Variants in FRMD3 observed in about 807,000 individuals in gnomAD.
FRMD3 encodes the protein FERM domain-containing protein 3.
Under a neutral mutation model 70.2 loss-of-function variants are expected in FRMD3, and 33 were observed. That is an observed-to-expected ratio of 0.47 (90% CI 0.36 to 0.63). The LOEUF is 0.63. FRMD3 is among the 20% of genes least tolerant of loss of function. The pLI is 0.00. For synonymous variants in FRMD3, 279 were observed against 255.9 expected (o/e 1.09, Z -0.86); for missense variants, 632 against 711.4 (o/e 0.89, Z 1.27).
At chr9:83,562,984 A>G in the FRMD3 span, among the ~76,000 whole-genome samples, 1 of 140,452 alleles carries the variant, frequency 7.1e-6, no homozygotes, top group Non-Finnish European at 1.5e-5. Context: ...TAGTGATTAA[A>G]TGAAAAAAAA....
intron 13 of FRMD3, among the ~76,000 whole-genome samples, chr9:83,273,697 A>C (rs182643012): frequency 1.3e-3 from 201 of 152,148 alleles, no homozygotes; most frequent in African/African-American, 4.6e-3. Context: ...CCCCTCCAAG[A>C]AATTGACTAA....
At chr9:83,399,784 C>T (rs1028687155) in intron 1 of FRMD3, among the ~76,000 whole-genome samples, 4 of 151,986 alleles carry the variant, frequency 2.6e-5, no homozygotes, top group African/African-American at 9.7e-5. Flanking sequence ...TGATAAAGAA[C>T]GTCTACCACA....
At chr9:83,568,949 T>C in the FRMD3 span, among the ~76,000 whole-genome samples, 433 of 128,374 alleles carry the variant, frequency 3.4e-3, no homozygotes, top group African/African-American at 0.011. Flanking sequence ...GATAGATAGA[T>C]AGATAGATAC....
At chr9:83,455,444 G>A (rs78927555) in intron 1 of FRMD3, among the ~76,000 whole-genome samples, 17,453 of 152,060 alleles carry the variant, frequency 0.11, 1,162 homozygotes, top group East Asian at 0.32. Flanking sequence ...TAAGTCTCAC[G>A]TGCTCTGATG....
chr9:83,252,679 C>T (rs974138773), intron 13 of FRMD3, among the ~76,000 whole-genome samples: 1 of 151,992 alleles, frequency 6.6e-6, no homozygotes, highest in African/African-American at 2.4e-5. Context: ...GGAAAATGTA[C>T]CAAGCAAATG....
Position 83,339,731 on chromosome 9 carries a change from A to G in FRMD3, c.472+3459T>C, listed in dbSNP as rs77580049. Among the ~76,000 whole-genome samples, 352 of 152,224 alleles carry G rather than the reference A, an allele frequency of 2.3e-3. 1 individual carries two copies. Among genetic ancestry groups the G allele is most frequent in the African/African-American group, 8.2e-3 (341 of 41,534 alleles). On this transcript the variant is annotated intron_variant, in intron 5 of 13. Coordinates refer to ENST00000304195, the MANE Select transcript of FRMD3 (RefSeq NM_174938.6). ...ATCTAACCAACAACGCAGGGTCACA[A>G]TGGCCTGTTTCCTTATCCATCTTCC...
chr9:83,535,828 T>C (rs949776970), intron 1 of FRMD3, among the ~76,000 whole-genome samples: 4 of 152,306 alleles, frequency 2.6e-5, no homozygotes, highest in Admixed American at 2.0e-4. Context: ...TGACAATATA[T>C]ACAATCCTTT....
chr9:83,502,870 G>A (rs1829101217), intron 1 of FRMD3, among the ~76,000 whole-genome samples: 1 of 152,132 alleles, frequency 6.6e-6, no homozygotes, highest in Admixed American at 6.5e-5. Flanking sequence ...GTTATGCTGG[G>A]TTCCAGTGCA....
At chr9:83,317,770 C>T (rs977007585) in intron 6 of FRMD3, among the ~76,000 whole-genome samples, 2 of 152,106 alleles carry the variant, frequency 1.3e-5, no homozygotes, top group Non-Finnish European at 2.9e-5. Context: ...AGCAGGGTAC[C>T]AGTGCTACAC....
At chr9:83,567,005 C>T in the FRMD3 span, among the ~76,000 whole-genome samples, 14 of 152,344 alleles carry the variant, frequency 9.2e-5, no homozygotes, top group African/African-American at 2.9e-4. Context: ...GGCTCCAACC[C>T]CACATTCCCC....
chr9:83,565,951 T>C, the FRMD3 span, among the ~76,000 whole-genome samples: 1 of 152,168 alleles, frequency 6.6e-6, no homozygotes, highest in Non-Finnish European at 1.5e-5. Flanking sequence ...GTCTATTAAG[T>C]TGGGTGCTAA....
intron 4 of FRMD3, among the ~76,000 whole-genome samples, chr9:83,344,897 T>C (rs1365810881): frequency 6.6e-6 from 1 of 150,902 alleles, no homozygotes; most frequent in Non-Finnish European, 1.5e-5. Context: ...CCTCAACTAA[T>C]AAACGTCTCT....
intron 1 of FRMD3, among the ~76,000 whole-genome samples, chr9:83,391,726 A>G (rs141909651): frequency 6.6e-6 from 1 of 152,326 alleles, no homozygotes; most frequent in Non-Finnish European, 1.5e-5. Flanking sequence ...CAGACAACGC[A>G]GTGATTAGAG....
At chr9:83,412,369 A>G (rs1826303666) in intron 1 of FRMD3, among the ~76,000 whole-genome samples, 1 of 151,642 alleles carries the variant, frequency 6.6e-6, no homozygotes, top group Non-Finnish European at 1.5e-5. Context: ...TGGTGAACAT[A>G]TATAAGTATT....
At chr9:83,562,869 C>T in the FRMD3 span, among the ~76,000 whole-genome samples, 1 of 151,662 alleles carries the variant, frequency 6.6e-6, no homozygotes, top group South Asian at 2.1e-4. Context: ...GGACAGAAAC[C>T]ATGTCTGGTT....
intron 13 of FRMD3, among the ~76,000 whole-genome samples, chr9:83,258,022 A>G (rs1832798982): frequency 6.6e-6 from 1 of 152,226 alleles, no homozygotes; most frequent in South Asian, 2.1e-4. Flanking sequence ...GTATAAAATG[A>G]AACTGCAATA....
intron 3 of FRMD3, among the ~76,000 whole-genome samples, chr9:83,358,149 T>C (rs939865536): frequency 6.6e-6 from 1 of 152,240 alleles, no homozygotes; most frequent in Non-Finnish European, 1.5e-5. Flanking sequence ...TTCTTCTATA[T>C]GTGGCTTGCC....
chr9:83,263,418 T>A (rs901525339), intron 13 of FRMD3, among the ~76,000 whole-genome samples: 3 of 144,308 alleles, frequency 2.1e-5, no homozygotes, highest in Non-Finnish European at 3.1e-5. Flanking sequence ...TAAAATTTTA[T>A]CTCCTGAAAG....
At chr9:83,326,748 T>A (rs1836034823) in intron 6 of FRMD3, among the ~76,000 whole-genome samples, 1 of 152,252 alleles carries the variant, frequency 6.6e-6, no homozygotes, top group African/African-American at 2.4e-5. Flanking sequence ...TCAGGAAATG[T>A]TCCACTCAGA....
Sources: gnomAD v4.1 joint callset for allele counts (sites outside exome capture counted in the v4.1 genomes callset) on GRCh38, gnomAD v4.1.1 for gene constraint, MANE v1.5 for transcripts, NCBI Gene and HGNC (gene_info 2026-07-23, HGNC 2026-07-21) for gene names.